The following CELF2 variants were observed in gnomAD, a reference collection of about 807,000 sequenced individuals.
CELF2 encodes the protein CUG triplet repeat RNA-binding protein 2.
Under a neutral mutation model 62.6 loss-of-function variants are expected in CELF2, and 8 were observed. The ratio of observed to expected loss-of-function variants is 0.13; its 90% confidence interval spans 0.07 to 0.23. The LOEUF (loss-of-function observed/expected upper bound fraction) is 0.23. Ranked by LOEUF, CELF2 falls within the 10% of genes least tolerant of loss-of-function variation. The pLI is 1.00. For synonymous variants in CELF2, 258 were observed against 250.0 expected (o/e 1.03, Z -0.30); for missense variants, 333 against 671.0 (o/e 0.50, Z 5.56).
At chr10:11,018,633 CGGGCGGGGTCT>C (rs1451240473) in intron 1 of CELF2, 1 of 135,754 alleles carries the variant, frequency 7.4e-6, no homozygotes, top group Non-Finnish European at 1.6e-5. Flanking sequence ...GGGCGGGGAC[CGGGCGGGGTCT>C]GGGGGTCCGG....
At chr10:11,187,597 C>G (rs551501425) in intron 2 of CELF2, among the ~76,000 whole-genome samples, 1 of 150,836 alleles carries the variant, frequency 6.6e-6, no homozygotes. Flanking sequence ...CTGTTCTTCC[C>G]TTTTGCCTCT....
chr10:10,467,137 T>C, the CELF2 span, among the ~76,000 whole-genome samples: 3 of 152,078 alleles, frequency 2.0e-5, no homozygotes, highest in Non-Finnish European at 1.5e-5. Flanking sequence ...TATTTCACGG[T>C]TCATACTTTT....
intron 1 of CELF2, among the ~76,000 whole-genome samples, chr10:11,065,122 A>G (rs2067744651): frequency 6.6e-6 from 1 of 152,208 alleles, no homozygotes; most frequent in Non-Finnish European, 1.5e-5. Flanking sequence ...GTTTCCTTTC[A>G]TAACTTAAGG....
At chr10:10,751,533 TG>T in the CELF2 span, among the ~76,000 whole-genome samples, 1 of 152,226 alleles carries the variant, frequency 6.6e-6, no homozygotes, top group African/African-American at 2.4e-5. Context: ...TGGTGTTTTT[TG>T]CCTTTTTTTC....
At chr10:10,754,061 G>GTTTTTTT in the CELF2 span, among the ~76,000 whole-genome samples, 37 of 84,942 alleles carry the variant, frequency 4.4e-4, no homozygotes, top group East Asian at 1.5e-3. Context: ...TGCTGAGGTG[G>GTTTTTTT]TTTTTTTTTT....
At chr10:10,535,234 C>T in the CELF2 span, among the ~76,000 whole-genome samples, 3 of 152,162 alleles carry the variant, frequency 2.0e-5, no homozygotes, top group African/African-American at 7.2e-5. Flanking sequence ...CAGGACCACA[C>T]AGCATGATTG....
At chr10:11,076,322 G>A (rs1366732840) in intron 1 of CELF2, among the ~76,000 whole-genome samples, 1 of 152,106 alleles carries the variant, frequency 6.6e-6, no homozygotes, top group Non-Finnish European at 1.5e-5. Flanking sequence ...AAATTCAGCA[G>A]CAAGCAAAAA....
At chr10:11,239,543 G>A (rs938476770) in intron 3 of CELF2, among the ~76,000 whole-genome samples, 26 of 152,162 alleles carry the variant, frequency 1.7e-4, no homozygotes, top group Admixed American at 9.8e-4. Flanking sequence ...CAACTGTAGC[G>A]GGCACTTACT....
At chr10:10,955,195 T>TA (rs1014996820) in intron 2 of CELF2, among the ~76,000 whole-genome samples, 3 of 152,210 alleles carry the variant, frequency 2.0e-5, no homozygotes, top group African/African-American at 7.2e-5. Context: ...TCAGAGGCAA[T>TA]AGGTAACCTG....
At chr10:10,795,959 C>T (rs2054115206), upstream of CELF2, among the ~76,000 whole-genome samples, 1 of 152,088 alleles carries the variant, frequency 6.6e-6, no homozygotes, top group Non-Finnish European at 1.5e-5. Flanking sequence ...TAACCCCAAC[C>T]CCATCCCCAC....
the CELF2 span, among the ~76,000 whole-genome samples, chr10:10,696,727 C>A: frequency 4.0e-4 from 61 of 152,138 alleles, no homozygotes; most frequent in Admixed American, 7.9e-4. Context: ...TTAAGCCCAT[C>A]GGAAAAGCGC....
intron 8 of CELF2, among the ~76,000 whole-genome samples, chr10:11,277,115 G>A (rs997534806): frequency 5.9e-5 from 9 of 152,188 alleles, no homozygotes; most frequent in African/African-American, 2.2e-4. Flanking sequence ...GTCGGGCTCT[G>A]TGAAGGATAC....
chr10:10,735,179 A>G, the CELF2 span, among the ~76,000 whole-genome samples: 23 of 152,234 alleles, frequency 1.5e-4, no homozygotes, highest in Admixed American at 1.4e-3. Flanking sequence ...GGCTATTAGT[A>G]ACATCAGGAT....
intron 2 of CELF2, among the ~76,000 whole-genome samples, chr10:11,199,677 T>C (rs1291735675): frequency 6.6e-6 from 1 of 152,236 alleles, no homozygotes; most frequent in East Asian, 1.9e-4. Flanking sequence ...GAAAAAGCCA[T>C]CAATATTTTA....
At chr10:10,998,851 A>G (rs2054234105) in intron 2 of CELF2, among the ~76,000 whole-genome samples, 1 of 152,030 alleles carries the variant, frequency 6.6e-6, no homozygotes, top group Non-Finnish European at 1.5e-5. Flanking sequence ...TCCTGCTCCC[A>G]TTGCTCCTAA....
At chr10:10,831,759 G>A (rs2057876865) in intron 1 of CELF2, among the ~76,000 whole-genome samples, 1 of 152,180 alleles carries the variant, frequency 6.6e-6, no homozygotes, top group Non-Finnish European at 1.5e-5. Flanking sequence ...ATCACTTGAG[G>A]TCAGGAGTTC....
chr10:11,022,193 AG>A (rs1255518232), intron 1 of CELF2, among the ~76,000 whole-genome samples: 1 of 152,240 alleles, frequency 6.6e-6, no homozygotes, highest in Non-Finnish European at 1.5e-5. Context: ...TGGTTCTTTA[AG>A]GAAAATTTTT....
At chr10:11,096,800 A>G (rs1338769372) in intron 1 of CELF2, among the ~76,000 whole-genome samples, 1 of 152,186 alleles carries the variant, frequency 6.6e-6, no homozygotes, top group Non-Finnish European at 1.5e-5. Context: ...CTTGTCCTCT[A>G]TCTACCAGGA....
At chr10:11,281,934 A>T (rs1352683599) in intron 8 of CELF2, among the ~76,000 whole-genome samples, 1 of 152,136 alleles carries the variant, frequency 6.6e-6, no homozygotes, top group East Asian at 1.9e-4. Flanking sequence ...ATGTTCTTGG[A>T]CCCTGGGGCA....
Sources: gnomAD v4.1 joint callset for allele counts (sites outside exome capture counted in the v4.1 genomes callset) on GRCh38, gnomAD v4.1.1 for gene constraint, MANE v1.5 for transcripts, NCBI Gene and HGNC (gene_info 2026-07-23, HGNC 2026-07-21) for gene names.